GPR158: variants seen among roughly 807,000 people sequenced by gnomAD.
The protein encoded by GPR158 is G protein-coupled receptor 158, also known as metabotropic glycine receptor.
GPR158 carries 30 observed loss-of-function variants against 78.2 expected under a neutral mutation model. The ratio of observed to expected loss-of-function variants is 0.38; its 90% CI spans 0.29 to 0.52. The LOEUF (loss-of-function observed/expected upper bound fraction) is 0.52, where lower values mean the gene tolerates loss of function less well. Ranked by LOEUF, GPR158 falls within the 20% of genes least tolerant of loss-of-function variation. GPR158 has a pLI of 0.83. For synonymous variants in GPR158, 581 were observed against 591.1 expected, an observed-to-expected ratio of 0.98 and a Z score of 0.25; for missense variants, 1,463 against 1,523.5, an observed-to-expected ratio of 0.96 and a Z score of 0.66.
intron 1 of GPR158, among the ~76,000 whole-genome samples, chr10:25,186,156 G>A (rs1229337086): frequency 6.6e-6 from 1 of 152,154 alleles, no homozygotes; most frequent in African/African-American, 2.4e-5. Flanking sequence ...CAGAAATAAA[G>A]ATGTTCTTTG....
At chr10:25,286,809 A>G (rs576491112) in intron 2 of GPR158, among the ~76,000 whole-genome samples, 1 of 152,088 alleles carries the variant, frequency 6.6e-6, no homozygotes, top group Admixed American at 6.6e-5. Flanking sequence ...GGTTACCCTC[A>G]TTGTACCACC....
intron 2 of GPR158, among the ~76,000 whole-genome samples, chr10:25,316,803 G>A (rs1854857379): frequency 6.6e-6 from 1 of 151,828 alleles, no homozygotes; most frequent in Admixed American, 6.6e-5. Context: ...GTATGTCTCA[G>A]CACACAGTTT....
At chr10:25,423,192 T>TACAC (rs1190927214) in intron 4 of GPR158, among the ~76,000 whole-genome samples, 1 of 150,632 alleles carries the variant, frequency 6.6e-6, no homozygotes, top group Non-Finnish European at 1.5e-5. Context: ...TACACACATA[T>TACAC]ATACACACAC....
At chr10:25,417,973 T>C (rs980101824) in intron 4 of GPR158, among the ~76,000 whole-genome samples, 4 of 152,190 alleles carry the variant, frequency 2.6e-5, no homozygotes, top group African/African-American at 9.7e-5. Context: ...ATGGACCATT[T>C]TGGAACTGAG....
intron 6 of GPR158, among the ~76,000 whole-genome samples, chr10:25,567,452 A>T (rs1316113379): frequency 2.6e-5 from 4 of 152,312 alleles, no homozygotes; most frequent in Non-Finnish European, 5.9e-5. Flanking sequence ...GGGATCTAAG[A>T]GTTCTCATTC....
chr10:25,213,918 T>C (rs539627149), intron 1 of GPR158, among the ~76,000 whole-genome samples: 2 of 152,352 alleles, frequency 1.3e-5, no homozygotes, highest in East Asian at 3.9e-4. Context: ...CCTTTTTGTC[T>C]CTTCATTCTG....
At chr10:25,238,013 C>G (rs1029666048) in intron 2 of GPR158, among the ~76,000 whole-genome samples, 1 of 151,986 alleles carries the variant, frequency 6.6e-6, no homozygotes, top group African/African-American at 2.4e-5. Context: ...TTTCTCTCTT[C>G]TCTGCTCTCT....
chr10:25,189,289 C>T (rs567255168), intron 1 of GPR158, among the ~76,000 whole-genome samples: 20 of 152,268 alleles, frequency 1.3e-4, no homozygotes, highest in South Asian at 6.2e-4. Flanking sequence ...ACTGGGTATA[C>T]GCCCAAAGGA....
intron 2 of GPR158, among the ~76,000 whole-genome samples, chr10:25,245,988 G>A (rs1318113666): frequency 6.6e-6 from 1 of 152,172 alleles, no homozygotes; most frequent in Non-Finnish European, 1.5e-5. Context: ...GTTTGCTTCA[G>A]TTTATCCCAT....
At chr10:25,595,554 G>T (rs148358504) in intron 9 of GPR158, among the ~76,000 whole-genome samples, 57 of 152,272 alleles carry the variant, frequency 3.7e-4, no homozygotes, top group African/African-American at 1.3e-3. Context: ...CCATACGATG[G>T]ATTATTATTT....
intron 2 of GPR158, among the ~76,000 whole-genome samples, chr10:25,356,101 A>AT (rs1241676110): frequency 3.3e-5 from 5 of 151,946 alleles, no homozygotes; most frequent in African/African-American, 1.2e-4. Flanking sequence ...ACCTCAATCT[A>AT]TTTTTTTCCA....
rs192932420 is a variant in GPR158 at position 25,456,281 on chromosome 10, G to A, written c.1336-10370G>A. 3.1e-4 allele frequency among the ~76,000 whole-genome samples: 47 copies of A among 152,254 alleles called. 1 individual carries two copies. Among genetic ancestry groups the A allele is most frequent in the Admixed American group, 2.7e-3 (41 of 15,278 alleles). On this transcript the variant is annotated intron_variant, in intron 4 of 10. Transcript: ENST00000376351. ...TCTTGTCAGAATCAAAAATTGTTGT[G>A]TTACATGTAGAGTGTAGCATAAGGA...
rs1045242501 is a variant in GPR158 at position 25,463,873 on chromosome 10, G to A, written c.1336-2778G>A. Among the ~76,000 whole-genome samples the A allele has an allele frequency of 3.3e-5, 5 of 152,260 alleles. No homozygotes were observed. In the South Asian group the frequency reaches 1.0e-3, roughly 32 times the overall value. The stretch of plus-strand genomic sequence containing the variant: ...CCAAGCATAAAATAAAAGGCTCTGT[G>A]CCAGTTAAAAGATTTTCTAGTACCA... On this transcript the variant is annotated intron_variant, in intron 4 of 10. Coordinates refer to ENST00000376351, the MANE Select transcript of GPR158 (RefSeq NM_020752.3).
chr10:25,362,711 T>C (rs1445440560), intron 2 of GPR158, among the ~76,000 whole-genome samples: 1 of 151,896 alleles, frequency 6.6e-6, no homozygotes, highest in South Asian at 2.1e-4. Context: ...TTCATGCTAG[T>C]ATATAGAATT....
chr10:25,264,307 G>A (rs1854011677), intron 2 of GPR158, among the ~76,000 whole-genome samples: 1 of 152,136 alleles, frequency 6.6e-6, no homozygotes, highest in African/African-American at 2.4e-5. Flanking sequence ...CTTGCTCTTG[G>A]GGAAGCCAGT....
intron 2 of GPR158, among the ~76,000 whole-genome samples, chr10:25,357,223 A>G (rs903301326): frequency 1.3e-5 from 2 of 152,158 alleles, no homozygotes; most frequent in Admixed American, 1.3e-4. Flanking sequence ...ATTCACTTTT[A>G]TAAGGGGAGA....
chr10:25,450,822 C>T (rs1835205983), intron 4 of GPR158, among the ~76,000 whole-genome samples: 3 of 152,094 alleles, frequency 2.0e-5, no homozygotes, highest in African/African-American at 7.2e-5. Flanking sequence ...AAAGTAAAAG[C>T]TCCTCTGTTT....
At chr10:25,201,939 G>C (rs1219608515) in intron 1 of GPR158, among the ~76,000 whole-genome samples, 1 of 151,820 alleles carries the variant, frequency 6.6e-6, no homozygotes. Context: ...AGATTTTTTT[G>C]TGTGTGCCTC....
chr10:25,349,252 C>T (rs2795044), intron 2 of GPR158, among the ~76,000 whole-genome samples: 104,672 of 151,684 alleles, frequency 0.69, 37,044 homozygotes, highest in Non-Finnish European at 0.77. Flanking sequence ...TGTTGTCTCA[C>T]CTCCTTTCCT....
Sources: allele counts gnomAD v4.1 joint callset (sites outside exome capture counted in the v4.1 genomes callset), GRCh38; gene constraint gnomAD v4.1.1; transcripts MANE v1.5; gene names NCBI Gene and HGNC (gene_info 2026-07-23, HGNC 2026-07-21).